The following CNTNAP2 variants were observed in gnomAD, a reference collection of about 807,000 sequenced individuals.
CNTNAP2 encodes contactin associated protein 2.
Under a neutral mutation model 155.2 loss-of-function variants are expected in CNTNAP2, and 98 were observed. The ratio of observed to expected loss-of-function variants is 0.63; its 90% CI spans 0.54 to 0.75. The LOEUF (loss-of-function observed/expected upper bound fraction) is 0.75, where lower values mean the gene tolerates loss of function less well. Among genes scored for constraint, CNTNAP2 ranks in the 30% least tolerant of loss-of-function variants. The pLI, the probability that CNTNAP2 is intolerant of heterozygous loss-of-function variation, is 0.00. For synonymous variants in CNTNAP2, 651 were observed against 631.2 expected, an observed-to-expected ratio of 1.03 and a Z score of -0.47; for missense variants, 1,727 against 1,688.1, an observed-to-expected ratio of 1.02 and a Z score of -0.40.
At chr7:146,293,022 A>G (rs1458350122) in intron 1 of CNTNAP2, among the ~76,000 whole-genome samples, 1 of 152,138 alleles carries the variant, frequency 6.6e-6, no homozygotes, top group African/African-American at 2.4e-5. Flanking sequence ...AAAATATGGT[A>G]TTTAAGATGA....
At chr7:146,165,003 T>C (rs1315323415) in intron 1 of CNTNAP2, among the ~76,000 whole-genome samples, 1 of 152,166 alleles carries the variant, frequency 6.6e-6, no homozygotes, top group Non-Finnish European at 1.5e-5. Context: ...TTTTGTCTCT[T>C]TGTATATATT....
In CNTNAP2 at chr7:146,839,986, A is replaced by C. The variant is rs1803689576; in HGVS notation, c.402+82A>C. 3 of 1,447,436 alleles carry C rather than the reference A, an allele frequency of 2.1e-6. No individual in the cohort carries two copies. In the African/African-American group the frequency reaches 4.2e-5, roughly 20 times the overall value. The allele number at this position is 1,447,436 out of a possible 1,614,324, so 89.7% of individuals were successfully genotyped here. The stretch of plus-strand genomic sequence containing the variant: ...GGTACAGGATTTACTAAGCATATAT[A>C]GTTATCAATATTTATGTATTCAAAT... On this transcript the variant is annotated intron_variant, in intron 3 of 23. Transcript: ENST00000361727.
intron 3 of CNTNAP2, among the ~76,000 whole-genome samples, chr7:146,933,077 G>GA (rs968243941): frequency 2.4e-4 from 37 of 152,086 alleles, no homozygotes; most frequent in African/African-American, 8.4e-4. Flanking sequence ...CACAGAATTG[G>GA]AAAAAACTAC....
intron 14 of CNTNAP2, among the ~76,000 whole-genome samples, chr7:147,913,551 A>G (rs1396082722): frequency 1.3e-5 from 2 of 152,342 alleles, no homozygotes; most frequent in East Asian, 3.9e-4. Flanking sequence ...ATAAAGAAAC[A>G]TGGACAATGG....
intron 9 of CNTNAP2, among the ~76,000 whole-genome samples, chr7:147,387,572 T>A (rs1796644126): frequency 6.6e-6 from 1 of 152,164 alleles, no homozygotes; most frequent in African/African-American, 2.4e-5. Flanking sequence ...CCTTTGAAAT[T>A]AATAAACATA....
intron 15 of CNTNAP2, among the ~76,000 whole-genome samples, chr7:148,031,788 C>T (rs963743878): frequency 1.3e-5 from 2 of 152,124 alleles, no homozygotes; most frequent in African/African-American, 2.4e-5. Context: ...TGGCTGCACT[C>T]GGTCTCTCTG....
At chr7:148,018,363 C>T (rs1802216804) in intron 15 of CNTNAP2, among the ~76,000 whole-genome samples, 1 of 152,074 alleles carries the variant, frequency 6.6e-6, no homozygotes, top group African/African-American at 2.4e-5. Context: ...GTTGTAAGAT[C>T]GAATCTGGTG....
At chr7:147,697,662 C>A (rs1470691568) in intron 13 of CNTNAP2, among the ~76,000 whole-genome samples, 1 of 152,104 alleles carries the variant, frequency 6.6e-6, no homozygotes, top group East Asian at 1.9e-4. Context: ...TCCGCCAACC[C>A]CTTTACGTGG....
rs186313760 is a variant in CNTNAP2 at position 146,150,999 on chromosome 7, C to T, written c.97+34026C>T. Among the ~76,000 whole-genome samples the T allele has an allele frequency of 1.3e-4, 20 of 152,048 alleles. No homozygotes were observed. In the South Asian group the frequency reaches 1.7e-3, roughly 13 times the overall value. ...GGAAACTTACAGTCATGGCTGAAGG[C>T]GAAGAGGAAGCAAGGCACCTTCATC... On this transcript the variant is annotated intron_variant, in intron 1 of 23. Coordinates refer to ENST00000361727, the MANE Select transcript of CNTNAP2 (RefSeq NM_014141.6).
chr7:148,342,004 A>T (rs919667722), intron 21 of CNTNAP2, among the ~76,000 whole-genome samples: 1 of 152,228 alleles, frequency 6.6e-6, no homozygotes, highest in Non-Finnish European at 1.5e-5. Context: ...TTGATGGAGC[A>T]GAGGCTTAGC....
At chr7:146,998,751 C>T (rs566757363) in intron 3 of CNTNAP2, among the ~76,000 whole-genome samples, 16 of 151,808 alleles carry the variant, frequency 1.1e-4, no homozygotes, top group Non-Finnish European at 1.9e-4. Context: ...ATCATCTTAT[C>T]GAATTGACTA....
rs927791334 is a variant in CNTNAP2 at position 146,721,304 on chromosome 7, T to C, written c.98-52967T>C. 3.2e-3 allele frequency among the ~76,000 whole-genome samples: 343 copies of C among 105,600 alleles called. 14 individuals are homozygous for C. The highest frequency in any genetic ancestry group is 9.7e-3 in the East Asian group (37 of 3,798). 69.3% of individuals were successfully genotyped at this position (105,600 alleles called of 152,430 possible). A position where few individuals can be genotyped will look rare whatever the true frequency, so the allele number is the denominator to read the frequency against. ...ATATTCTATATATATTCTATATATG[T>C]ATTCTATATATATTCTATATATACA... On this transcript the variant is annotated intron_variant, in intron 1 of 23. Coordinates refer to ENST00000361727, the MANE Select transcript of CNTNAP2 (RefSeq NM_014141.6).
rs60325883 is a variant in CNTNAP2 at position 147,588,899 on chromosome 7, C to T, written c.1897+26642C>T. Among the ~76,000 whole-genome samples, 1,199 of 152,162 alleles carry T rather than the reference C, an allele frequency of 7.9e-3. 19 individuals carry two copies. The highest frequency in any genetic ancestry group is 0.027 in the African/African-American group (1,141 of 41,526). On this transcript the variant is annotated intron_variant, in intron 12 of 23. Coordinates refer to ENST00000361727, the MANE Select transcript of CNTNAP2 (RefSeq NM_014141.6). ...TTAAGGCTTCTTTAATTGTAGGGAC[C>T]ACGAAAAGAATGCAGCAACTAGCAA...
intron 2 of CNTNAP2, among the ~76,000 whole-genome samples, chr7:146,803,384 A>C (rs1585097734): frequency 6.6e-6 from 1 of 152,324 alleles, no homozygotes; most frequent in East Asian, 1.9e-4. Context: ...TTGCAAGAAC[A>C]CAGGGTGGAC....
chr7:147,635,824 G>A (rs555386070), intron 12 of CNTNAP2, among the ~76,000 whole-genome samples: 66 of 152,252 alleles, frequency 4.3e-4, no homozygotes, highest in African/African-American at 1.6e-3. Flanking sequence ...CATCAGGTTT[G>A]AAGGCTATTC....
intron 14 of CNTNAP2, among the ~76,000 whole-genome samples, chr7:147,956,581 T>G (rs1563148052): frequency 6.6e-6 from 1 of 152,122 alleles, no homozygotes; most frequent in Non-Finnish European, 1.5e-5. Context: ...TCGAAGCACA[T>G]GCAGATGCCT....
At chr7:146,211,387 G>A (rs967354269) in intron 1 of CNTNAP2, among the ~76,000 whole-genome samples, 1 of 152,152 alleles carries the variant, frequency 6.6e-6, no homozygotes, top group African/African-American at 2.4e-5. Flanking sequence ...TCATTACCTT[G>A]ATGTAAAATC....
At chr7:146,359,453 A>G (rs1279289802) in intron 1 of CNTNAP2, among the ~76,000 whole-genome samples, 1 of 152,154 alleles carries the variant, frequency 6.6e-6, no homozygotes, top group Non-Finnish European at 1.5e-5. Context: ...ATTTTTGGTA[A>G]CCACAGAACA....
chr7:146,784,740 C>A (rs1244235648), intron 2 of CNTNAP2, among the ~76,000 whole-genome samples: 1 of 152,126 alleles, frequency 6.6e-6, no homozygotes, highest in Non-Finnish European at 1.5e-5. Context: ...CAAGAAAGAT[C>A]ATAATTCCTT....
Sources: allele counts gnomAD v4.1 joint callset (sites outside exome capture counted in the v4.1 genomes callset), GRCh38; gene constraint gnomAD v4.1.1; transcripts MANE v1.5; gene names NCBI Gene and HGNC (gene_info 2026-07-23, HGNC 2026-07-21).